PTPRD: variants seen among roughly 807,000 people sequenced by gnomAD.
PTPRD encodes receptor-type tyrosine-protein phosphatase delta.
A neutral mutation model predicts 214.5 loss-of-function variants in PTPRD; 34 were observed. The observed-to-expected ratio is 0.16, with a 90% CI of 0.12 to 0.21. The LOEUF (loss-of-function observed/expected upper bound fraction) is 0.21. PTPRD is among the 10% of genes least tolerant of loss of function. The pLI is 1.00. For missense variants in PTPRD, 2,545 were observed against 2,398.7 expected (o/e 1.06, Z -1.27); for synonymous variants, 1,128 against 845.7 (o/e 1.33, Z -5.79).
At chr9:8,845,940 G>C (rs1339662974) in intron 11 of PTPRD, among the ~76,000 whole-genome samples, 3 of 152,330 alleles carry the variant, frequency 2.0e-5, no homozygotes, top group East Asian at 3.9e-4. Context: ...TTGGCAGCCT[G>C]GATGAGGCCC....
intron 7 of PTPRD, among the ~76,000 whole-genome samples, chr9:9,607,701 T>C (rs938619747): frequency 1.1e-4 from 16 of 151,664 alleles, no homozygotes; most frequent in Non-Finnish European, 2.4e-4. Flanking sequence ...GTTACCACTA[T>C]TGTTATTGCT....
At chr9:9,290,408 C>T (rs368787159) in intron 9 of PTPRD, among the ~76,000 whole-genome samples, 36 of 151,588 alleles carry the variant, frequency 2.4e-4, no homozygotes, top group East Asian at 9.8e-4. Context: ...TTGTATGTTG[C>T]CTTTTTATGT....
chr9:8,674,106 A>G (rs1158976278), intron 12 of PTPRD, among the ~76,000 whole-genome samples: 22 of 152,160 alleles, frequency 1.4e-4, no homozygotes, highest in Non-Finnish European at 3.2e-4. Context: ...GGGAATAACA[A>G]AAAATCACAT....
rs191357376 is a variant in PTPRD at position 8,937,835 on chromosome 9, C to T, written c.-104+80862G>A. Among the ~76,000 whole-genome samples the T allele has an allele frequency of 2.4e-3, 361 of 152,236 alleles. 3 individuals are homozygous for T. The highest frequency in any genetic ancestry group is 8.3e-3 in the African/African-American group (346 of 41,554). On this transcript the variant is annotated intron_variant, in intron 11 of 45. Transcript: ENST00000381196. ...AATTAAAGGGTCAAGAATCTTGTGGCTACATTTTGTTAACTGATTCCCTGA... is the reference window on the plus strand; with the variant it reads ...AATTAAAGGGTCAAGAATCTTGTGGTTACATTTTGTTAACTGATTCCCTGA...
intron 8 of PTPRD, among the ~76,000 whole-genome samples, chr9:9,446,848 G>C (rs529642178): frequency 6.6e-6 from 1 of 152,102 alleles, no homozygotes; most frequent in South Asian, 2.1e-4. Context: ...TTAAAAATTG[G>C]GCAAAGGACA....
intron 11 of PTPRD, among the ~76,000 whole-genome samples, chr9:8,764,198 G>A (rs1163909519): frequency 6.6e-6 from 1 of 152,174 alleles, no homozygotes; most frequent in Admixed American, 6.6e-5. Flanking sequence ...TGACACGTAT[G>A]TGAAACATGC....
At chr9:10,331,791 A>G (rs1231999824) in intron 3 of PTPRD, among the ~76,000 whole-genome samples, 2 of 151,894 alleles carry the variant, frequency 1.3e-5, no homozygotes, top group Non-Finnish European at 2.9e-5. Flanking sequence ...GCAATTTTAG[A>G]TGAAAAAATA....
chr9:9,418,047 T>C (rs1456380924), intron 8 of PTPRD, among the ~76,000 whole-genome samples: 38 of 152,136 alleles, frequency 2.5e-4, no homozygotes, highest in Admixed American at 2.5e-3. Context: ...TGAAATGTTC[T>C]GAGTCCTACA....
chr9:10,011,043 C>T (rs1412001189), intron 4 of PTPRD, among the ~76,000 whole-genome samples: 1 of 151,904 alleles, frequency 6.6e-6, no homozygotes. Context: ...TCATTTCATA[C>T]AAATATTAAA....
At chr9:9,176,558 C>T (rs2099924997) in intron 10 of PTPRD, among the ~76,000 whole-genome samples, 1 of 152,076 alleles carries the variant, frequency 6.6e-6, no homozygotes, top group Admixed American at 6.6e-5. Flanking sequence ...ATGTTGAAAC[C>T]TAATTGCTAA....
At chr9:10,188,514 G>A (rs1035078818) in intron 3 of PTPRD, among the ~76,000 whole-genome samples, 1 of 150,922 alleles carries the variant, frequency 6.6e-6, no homozygotes, top group African/African-American at 2.4e-5. Flanking sequence ...AGTCTTCTTG[G>A]AAATAACTAG....
intron 3 of PTPRD, among the ~76,000 whole-genome samples, chr9:10,102,023 T>G (rs2098556142): frequency 6.6e-6 from 1 of 151,734 alleles, no homozygotes; most frequent in African/African-American, 2.4e-5. Context: ...GGAGGCACAT[T>G]TGTAATTTAT....
intron 11 of PTPRD, among the ~76,000 whole-genome samples, chr9:8,828,423 T>A (rs577221929): frequency 2.0e-4 from 30 of 152,288 alleles, no homozygotes; most frequent in Non-Finnish European, 3.8e-4. Flanking sequence ...GGCACCTGTC[T>A]GTGAACCAGG....
intron 3 of PTPRD, among the ~76,000 whole-genome samples, chr9:10,091,390 T>C (rs1308398928): frequency 6.6e-6 from 1 of 151,578 alleles, no homozygotes; most frequent in Non-Finnish European, 1.5e-5. Flanking sequence ...AATTCATTAC[T>C]GAACTATCCA....
chr9:8,323,636 G>A (rs1025231052), intron 44 of PTPRD, among the ~76,000 whole-genome samples: 2 of 152,132 alleles, frequency 1.3e-5, no homozygotes, highest in Non-Finnish European at 2.9e-5. Context: ...TAGAAGTGGA[G>A]CCAGGAGATG....
chr9:9,226,089 G>C (rs1189346927), intron 9 of PTPRD, among the ~76,000 whole-genome samples: 1 of 151,924 alleles, frequency 6.6e-6, no homozygotes, highest in East Asian at 1.9e-4. Context: ...AAAATGAATT[G>C]ACGTTACCTC....
intron 11 of PTPRD, among the ~76,000 whole-genome samples, chr9:8,759,262 G>A (rs879932855): frequency 3.3e-5 from 5 of 152,036 alleles, no homozygotes; most frequent in African/African-American, 4.8e-5. Flanking sequence ...ATGTTGATCA[G>A]GCTGATGTTG....
At chr9:9,917,590 AG>A (rs1430321729) in intron 5 of PTPRD, among the ~76,000 whole-genome samples, 1 of 151,910 alleles carries the variant, frequency 6.6e-6, no homozygotes, top group Non-Finnish European at 1.5e-5. Context: ...TTATTTGTTG[AG>A]GTCAGCATAA....
chr9:9,758,818 G>C (rs1565038188), intron 6 of PTPRD, among the ~76,000 whole-genome samples: 1 of 137,290 alleles, frequency 7.3e-6, no homozygotes, highest in East Asian at 2.1e-4. Context: ...CTTGTGTACA[G>C]GCAAGGGGAA....
Sources: gnomAD v4.1 joint callset for allele counts (sites outside exome capture counted in the v4.1 genomes callset) on GRCh38, gnomAD v4.1.1 for gene constraint, MANE v1.5 for transcripts, NCBI Gene and HGNC (gene_info 2026-07-23, HGNC 2026-07-21) for gene names.